NRAP: variants seen among roughly 807,000 people sequenced by gnomAD.
The protein encoded by NRAP is nebulin-related-anchoring protein.
NRAP carries 189 observed loss-of-function variants against 225.9 expected under a neutral mutation model. The observed-to-expected ratio is 0.84, with a 90% CI of 0.74 to 0.94. The LOEUF is 0.94. NRAP is among the 40% of genes least tolerant of loss of function. NRAP has a pLI of 0.00. For synonymous variants in NRAP, 769 were observed against 790.7 expected, an observed-to-expected ratio of 0.97 and a Z score of 0.46; for missense variants, 2,176 against 2,168.7, an observed-to-expected ratio of 1.00 and a Z score of -0.07.
chr10:113,616,289 T>C (rs1847658073), intron 26 of NRAP, among the ~76,000 whole-genome samples: 1 of 152,164 alleles, frequency 6.6e-6, no homozygotes, highest in Admixed American at 6.5e-5. Flanking sequence ...TCTGGGACTC[T>C]ATTTACCCAG....
Position 113,613,666 on chromosome 10 carries a change from G to C in NRAP, c.3300+517C>G, listed in dbSNP as rs111557445. On this transcript the variant is annotated intron_variant, in intron 29 of 41. Coordinates refer to ENST00000359988, the MANE Select transcript of NRAP (RefSeq NM_198060.4). ...TCAGACGCCTACAGGGGCCAGGCAG[G>C]TAGCATAAAGAAGTAAAGCAGGAAG... 6.4e-3 allele frequency among the ~76,000 whole-genome samples: 977 copies of C among 152,186 alleles called. 12 individuals carry two copies. The highest frequency in any genetic ancestry group is 0.022 in the African/African-American group (898 of 41,514).
intron 12 of NRAP, among the ~76,000 whole-genome samples, chr10:113,642,473 A>T (rs1324107403): frequency 6.6e-6 from 1 of 152,132 alleles, no homozygotes; most frequent in East Asian, 1.9e-4. Flanking sequence ...CTGCTCTGAG[A>T]ATCTCCAAAT....
chr10:113,663,263 C>A, intron 2 of NRAP, 89 bp downstream of exon 2: 1 of 790,780 alleles, frequency 1.3e-6, no homozygotes, highest in East Asian at 2.6e-5. Flanking sequence ...GGATTTAACC[C>A]TGGGTTATAT....
At chr10:113,622,225 G>T in intron 23 of NRAP, 45 bp from the exon 24 acceptor site, 1 of 1,334,454 alleles carries the variant, frequency 7.5e-7, no homozygotes, top group Non-Finnish European at 1.1e-6. Context: ...ACCTCCTAAA[G>T]GAATTGTTAG....
chr10:113,654,984 C>T (rs1377584168), intron 4 of NRAP, among the ~76,000 whole-genome samples: 1 of 152,080 alleles, frequency 6.6e-6, no homozygotes, highest in Non-Finnish European at 1.5e-5. Flanking sequence ...TGATTGGACA[C>T]AAGGGAAAGA....
At position 113,646,076 on chromosome 10, in the gene NRAP, G is replaced by A. The variant is rs541486491; in HGVS notation, c.994-135C>T. On this transcript the variant is annotated intron_variant, in intron 10 of 41. Coordinates refer to ENST00000359988, the MANE Select transcript of NRAP (RefSeq NM_198060.4). ...TTCTGAAAGAAAAAAAAATTCACAT[G>A]GCCTTTTCTCTTCATTAAATCTATA... The A allele has an allele frequency of 2.7e-4, 147 of 548,620 alleles. 3 individuals carry two copies. The South Asian group carries it at 3.9e-3, about 15-fold the overall frequency. The allele number at this position is 548,620 out of a possible 1,614,324, so 34.0% of individuals were successfully genotyped here.
chr10:113,616,088 G>T (rs1290849769), intron 26 of NRAP, among the ~76,000 whole-genome samples: 1 of 152,176 alleles, frequency 6.6e-6, no homozygotes, highest in Non-Finnish European at 1.5e-5. Context: ...GGTGTCAAAT[G>T]AGAAAACGAG....
At chr10:113,614,430 C>T (rs1847520997) in intron 28 of NRAP, 134 bp from the exon 29 acceptor site, 10 of 668,100 alleles carry the variant, frequency 1.5e-5, no homozygotes, top group East Asian at 5.3e-5. Flanking sequence ...GCGCGGGAGT[C>T]GTCAAAAGGG....
At chr10:113,603,053 C>T (rs184377841) in intron 35 of NRAP, among the ~76,000 whole-genome samples, 1 of 152,344 alleles carries the variant, frequency 6.6e-6, no homozygotes, top group East Asian at 1.9e-4. Flanking sequence ...GAAACCCTGA[C>T]ACAGATGGCT....
intron 12 of NRAP, among the ~76,000 whole-genome samples, chr10:113,642,605 G>A (rs1479467116): frequency 5.3e-5 from 8 of 152,168 alleles, no homozygotes; most frequent in African/African-American, 1.9e-4. Flanking sequence ...AAGTCACATT[G>A]AGAGGGGACG....
intron 39 of NRAP, 27 bp from the exon 40 acceptor site, chr10:113,590,916 T>C: frequency 5.6e-6 from 9 of 1,602,338 alleles, no homozygotes; most frequent in Non-Finnish European, 7.7e-6. Context: ...CAGAGGCAGA[T>C]CATGGGTGCC....
At chr10:113,602,893 T>A (rs556297361) in intron 35 of NRAP, among the ~76,000 whole-genome samples, 2 of 152,278 alleles carry the variant, frequency 1.3e-5, no homozygotes, top group Middle Eastern at 3.4e-3. Flanking sequence ...TGGCAAGATT[T>A]AGGGGCATTT....
rs111745275 is a variant in NRAP, at chr10:113,654,019, A to G, written c.465+2T>C. ...TCCTAAAGCAATTTCTAGGGTGCTT[A>G]CCTCACCAAGAGACTTTCGAGCCTC... On this transcript the variant is annotated splice_donor_variant, in intron 5 of 41. Coordinates refer to ENST00000359988, the MANE Select transcript of NRAP (RefSeq NM_198060.4). LOFTEE classifies it high-confidence loss of function. The G allele has an allele frequency of 1.9e-6, 3 of 1,593,102 alleles. No homozygotes were observed. The highest frequency in any genetic ancestry group is 2.6e-6 in the Non-Finnish European group (3 of 1,160,998).
At chr10:113,615,046 T>C in intron 27 of NRAP, 100 bp from the exon 28 acceptor site, 1 of 729,614 alleles carries the variant, frequency 1.4e-6, no homozygotes, top group Non-Finnish European at 2.5e-6. Context: ...GTGGGTCCCC[T>C]CCCTCCCCTG....
intron 25 of NRAP, among the ~76,000 whole-genome samples, chr10:113,618,672 T>C (rs1847807896): frequency 6.6e-6 from 1 of 152,122 alleles, no homozygotes; most frequent in African/African-American, 2.4e-5. Context: ...CCAGGCCGAG[T>C]GCAGTGGCTC....
Position 113,663,875 on chromosome 10 carries a change from A to G in NRAP, c.8T>C (p.Val3Ala), listed in dbSNP as rs1448697801. Residue 3 changes from valine (V) to alanine (A), a missense_variant, in exon 1 of 42, where the codon GTG (valine) becomes GCG (alanine). Coordinates refer to ENST00000359988, the MANE Select transcript of NRAP (RefSeq NM_198060.4). The stretch of plus-strand genomic sequence containing the variant: ...ATACCCACACCTAGAACAGGGCTGC[A>G]CATTCATCTCGAAGCCGGAAGAGAG... MN[V>A]QPCSRCGYGV... 1.9e-6 allele frequency: 3 copies of G among 1,613,544 alleles called. No individual in the cohort carries two copies. Among genetic ancestry groups the G allele is most frequent in the Non-Finnish European group, 2.5e-6 (3 of 1,179,464 alleles).
At chr10:113,617,678 T>G in intron 25 of NRAP, 125 bp from the exon 26 acceptor site, 1 of 676,554 alleles carries the variant, frequency 1.5e-6, no homozygotes, top group South Asian at 1.6e-5. Context: ...TTCTGCTTCC[T>G]CCATCTTTAT....
intron 30 of NRAP, among the ~76,000 whole-genome samples, chr10:113,611,896 T>C (rs1341604313): frequency 2.0e-5 from 3 of 152,212 alleles, no homozygotes; most frequent in African/African-American, 7.2e-5. Flanking sequence ...TCTTTCTAAC[T>C]ATAGCTGTGT....
rs1457562657 is a variant in NRAP, at chr10:113,588,734, A to ATCTT, written c.*237_*240dup. On this transcript the variant is annotated 3_prime_UTR_variant, in exon 42 of 42. Coordinates refer to ENST00000359988, the MANE Select transcript of NRAP (RefSeq NM_198060.4). Reference sequence around the variant, plus strand: ...CAGCATCAGCGGGAACCACCATCACATCTTTATTCCTCAGCCCAGACACTC... The same window carrying ATCTT: ...CAGCATCAGCGGGAACCACCATCACATCTTTCTTTATTCCTCAGCCCAGACACTC... The ATCTT allele has an allele frequency of 3.1e-5, 17 of 557,040 alleles. No homozygotes were observed. The highest frequency in any genetic ancestry group is 4.7e-4 in the Middle Eastern group (1 of 2,132). The allele number at this position is 557,040 out of a possible 1,614,324, so 34.5% of individuals were successfully genotyped here. A position where few individuals can be genotyped will look rare whatever the true frequency, so the allele number is the denominator to read the frequency against.
Sources: gnomAD v4.1 joint callset for allele counts (sites outside exome capture counted in the v4.1 genomes callset) on GRCh38, gnomAD v4.1.1 for gene constraint, MANE v1.5 for transcripts, NCBI Gene and HGNC (gene_info 2026-07-23, HGNC 2026-07-21) for gene names.